STX8: variants seen among roughly 807,000 people sequenced by gnomAD.
STX8 encodes syntaxin-8.
In STX8, 23 loss-of-function variants were observed where a neutral mutation model predicts 37.5. That is an observed-to-expected ratio of 0.61 (90% CI 0.44 to 0.87). STX8 has a LOEUF of 0.87. Among genes scored for constraint, STX8 ranks in the 40% least tolerant of loss-of-function variants. The pLI, the probability that STX8 is intolerant of heterozygous loss-of-function variation, is 0.00. For missense variants in STX8, 313 were observed against 284.7 expected (o/e 1.10, Z -0.71); for synonymous variants, 115 against 99.1 (o/e 1.16, Z -0.95).
intron 4 of STX8, among the ~76,000 whole-genome samples, chr17:9,541,280 C>T (rs920426142): frequency 6.6e-6 from 1 of 152,040 alleles, no homozygotes; most frequent in Non-Finnish European, 1.5e-5. Flanking sequence ...GAAGCAGACA[C>T]GGAACAAATG....
At chr17:9,258,704 C>T (rs1014938187) in intron 7 of STX8, among the ~76,000 whole-genome samples, 2 of 152,230 alleles carry the variant, frequency 1.3e-5, no homozygotes, top group African/African-American at 2.4e-5. Context: ...TTGTTTTGTT[C>T]TTAGCCTGGC....
chr17:9,416,696 G>T (rs1024309676), intron 6 of STX8, among the ~76,000 whole-genome samples: 2 of 152,070 alleles, frequency 1.3e-5, no homozygotes, highest in African/African-American at 4.8e-5. Context: ...CAGGATAATA[G>T]TTATTCCCTA....
intron 7 of STX8, among the ~76,000 whole-genome samples, chr17:9,251,386 C>T (rs1456366176): frequency 6.6e-5 from 10 of 152,202 alleles, no homozygotes; most frequent in Non-Finnish European, 1.3e-4. Flanking sequence ...CTCCCATGTT[C>T]GCTTGCCCAG....
chr17:9,500,059 G>T (rs1416538438), intron 5 of STX8, among the ~76,000 whole-genome samples: 1 of 152,212 alleles, frequency 6.6e-6, no homozygotes, highest in Non-Finnish European at 1.5e-5. Context: ...TGTGCTGCAT[G>T]TAAAGCTGTG....
At chr17:9,547,782 CTTTTT>C (rs201145334) in intron 3 of STX8, among the ~76,000 whole-genome samples, 1 of 130,052 alleles carries the variant, frequency 7.7e-6, no homozygotes, top group Non-Finnish European at 1.6e-5. Context: ...CTTTTCTTTT[CTTTTT>C]TTTTTTTTTG....
At chr17:9,301,790 G>C (rs1908798907) in intron 7 of STX8, among the ~76,000 whole-genome samples, 1 of 152,074 alleles carries the variant, frequency 6.6e-6, no homozygotes, top group Non-Finnish European at 1.5e-5. Context: ...CGCCCGGCCA[G>C]TGCTTTACTT....
At chr17:9,472,866 G>C (rs933171763) in intron 6 of STX8, among the ~76,000 whole-genome samples, 4 of 152,154 alleles carry the variant, frequency 2.6e-5, no homozygotes, top group African/African-American at 7.2e-5. Context: ...TTCTCAGCCT[G>C]GCTGCGTGGC....
chr17:9,509,003 C>T (rs755773622), intron 4 of STX8, among the ~76,000 whole-genome samples: 1 of 152,190 alleles, frequency 6.6e-6, no homozygotes, highest in Non-Finnish European at 1.5e-5. Context: ...TATCCCAGTA[C>T]TTTGGGAGGC....
intron 7 of STX8, among the ~76,000 whole-genome samples, chr17:9,319,236 A>G (rs1371322096): frequency 3.9e-5 from 6 of 151,932 alleles, no homozygotes; most frequent in Non-Finnish European, 5.9e-5. Context: ...TGGCTAACAC[A>G]GTGAAACCCT....
intron 7 of STX8, among the ~76,000 whole-genome samples, chr17:9,358,774 A>G (rs138108212): frequency 2.0e-5 from 3 of 152,332 alleles, no homozygotes; most frequent in Non-Finnish European, 4.4e-5. Context: ...GAGGACAGTA[A>G]TTAAGGGAGG....
intron 4 of STX8, among the ~76,000 whole-genome samples, chr17:9,535,573 C>A (rs1567601072): frequency 6.6e-6 from 1 of 151,694 alleles, no homozygotes; most frequent in Non-Finnish European, 1.5e-5. Context: ...GCTGGGACTA[C>A]AGGCACCCGC....
In STX8 at chr17:9,547,264, AAAG is replaced by A. The variant is rs1168408386; in HGVS notation, c.213-1985_213-1983del. On this transcript the variant is annotated intron_variant, in intron 3 of 7. Coordinates refer to ENST00000306357, the MANE Select transcript of STX8 (RefSeq NM_004853.3). ...TCTGTCTCAAAAAAAAAAAAAAAAA[AAAG>A]AAAAAAGAAACACAGTAAAGGATAT... 5.1e-3 allele frequency: 768 copies of A among 149,610 alleles called. 33 individuals are homozygous for A. The highest frequency in any genetic ancestry group is 0.018 in the African/African-American group (717 of 40,002). 9.3% of individuals were successfully genotyped at this position (149,610 alleles called of 1,614,324 possible).
At chr17:9,541,258 T>TGGGCACGGAGGGAAGC (rs372772907) in intron 4 of STX8, among the ~76,000 whole-genome samples, 1,657 of 152,168 alleles carry the variant, frequency 0.011, 15 homozygotes, top group Non-Finnish European at 0.018. Context: ...GGCAGCAAGC[T>TGGGCACGGAGGGAAGC]GGGCACGGAG....
intron 7 of STX8, among the ~76,000 whole-genome samples, chr17:9,270,075 C>T (rs1002319218): frequency 6.6e-6 from 1 of 152,156 alleles, no homozygotes; most frequent in African/African-American, 2.4e-5. Context: ...AATAACAGGC[C>T]GTGTGTTTCC....
At chr17:9,364,014 T>C (rs970750465) in intron 7 of STX8, among the ~76,000 whole-genome samples, 4 of 152,144 alleles carry the variant, frequency 2.6e-5, no homozygotes, top group African/African-American at 9.7e-5. Context: ...CCCAAATAAA[T>C]GCTGTTAGCA....
chr17:9,436,891 A>G (rs1001338746), intron 6 of STX8, among the ~76,000 whole-genome samples: 3 of 152,252 alleles, frequency 2.0e-5, no homozygotes, highest in African/African-American at 7.2e-5. Context: ...GTTTGGATAC[A>G]GAGCTGAGGT....
chr17:9,512,110 A>C (rs577235271), intron 4 of STX8, among the ~76,000 whole-genome samples: 38 of 152,332 alleles, frequency 2.5e-4, no homozygotes, highest in Non-Finnish European at 4.9e-4. Flanking sequence ...ACAAAGGCAA[A>C]GTTATTTCAT....
chr17:9,453,503 T>C (rs1256983076), intron 6 of STX8, among the ~76,000 whole-genome samples: 1 of 148,564 alleles, frequency 6.7e-6, no homozygotes, highest in African/African-American at 2.5e-5. Flanking sequence ...TTTTTTTTTT[T>C]TTTTTTTGAG....
intron 7 of STX8, among the ~76,000 whole-genome samples, chr17:9,345,632 A>G (rs1910505657): frequency 6.6e-6 from 1 of 151,672 alleles, no homozygotes. Flanking sequence ...ATGTTTTAGT[A>G]TCTACACACA....
Sources: allele counts gnomAD v4.1 joint callset (sites outside exome capture counted in the v4.1 genomes callset), GRCh38; gene constraint gnomAD v4.1.1; transcripts MANE v1.5; gene names NCBI Gene and HGNC (gene_info 2026-07-23, HGNC 2026-07-21).